SELP: variants seen among roughly 807,000 people sequenced by gnomAD.
SELP encodes P-selectin.
Under a neutral mutation model 104.1 loss-of-function variants are expected in SELP, and 92 were observed. That is an observed-to-expected ratio of 0.88 (90% confidence interval 0.75 to 1.05). SELP has a LOEUF of 1.05. SELP is among the 50% of genes least tolerant of loss of function. SELP has a pLI of 0.00. For missense variants in SELP, 1,022 were observed against 1,017.3 expected (o/e 1.00, Z -0.06); for synonymous variants, 397 against 364.5 (o/e 1.09, Z -1.01).
intron 2 of SELP, among the ~76,000 whole-genome samples, chr1:169,618,126 C>T (rs113620522): frequency 3.3e-5 from 5 of 152,134 alleles, no homozygotes; most frequent in South Asian, 2.1e-4. Context: ...TGTAAATCTC[C>T]GACGGTGTTT....
At chr1:169,589,730 C>T (rs2101854479) in intron 16 of SELP, 1 of 155,986 alleles carries the variant, frequency 6.4e-6, no homozygotes, top group South Asian at 2.0e-4. Context: ...ACTCAACTAC[C>T]CACTTTTTGG....
chr1:169,613,590 T>C lies in SELP; in HGVS notation c.585A>G (p.Glu195=). ...CYPGFYGPEC[E]YVRECGELEL... is the part of the protein sequence containing the mutation. ...TCAACAAAAAGGAAGCCTCACCGTATTCACATTCTGGCCCATAGAATCCAG... is the reference window on the plus strand; with the variant it reads ...TCAACAAAAAGGAAGCCTCACCGTACTCACATTCTGGCCCATAGAATCCAG... The change falls in exon 4 of 17, where the codon GAA becomes GAG. Residue 195 remains glutamate, a synonymous_variant. Transcript: ENST00000263686. The C allele has an allele frequency of 1.2e-6, 2 of 1,612,674 alleles. No homozygotes were observed. The highest frequency in any genetic ancestry group is 1.7e-6 in the Non-Finnish European group (2 of 1,178,712).
chr1:169,612,562 T>A (rs1662596920), intron 5 of SELP, among the ~76,000 whole-genome samples, 160 bp from the exon 6 acceptor site: 2 of 151,780 alleles, frequency 1.3e-5, no homozygotes, highest in Admixed American at 1.3e-4. Context: ...CTTGGAAAGA[T>A]CAAACACCCT....
chr1:169,609,508 A>G lies in SELP; in HGVS notation c.1329T>C (p.Cys443=). 1 of 1,612,192 alleles carries G rather than the reference A, an allele frequency of 6.2e-7. No homozygotes were observed. Among genetic ancestry groups the G allele is most frequent in the Non-Finnish European group, 8.5e-7 (1 of 1,178,982 alleles). ...LGQWTAPAPV[C]QALQCQDLPV... is the part of the protein sequence containing the mutation. ...ACATTACCACTGTTACAGTACCTTGACAGACTGGGGCTGGTGCTGTCCACT... is the reference window on the plus strand; with the variant it reads ...ACATTACCACTGTTACAGTACCTTGGCAGACTGGGGCTGGTGCTGTCCACT... Residue 443 remains cysteine, a synonymous_variant, in exon 8 of 17, where the codon TGT becomes TGC. Transcript: ENST00000263686.
intron 4 of SELP, 45 bp downstream of exon 4, chr1:169,613,541 C>G: frequency 7.0e-7 from 1 of 1,436,848 alleles, no homozygotes; most frequent in Non-Finnish European, 9.8e-7. Flanking sequence ...TTGGCATCAT[C>G]TCTAGCATAA....
At chr1:169,622,200 G>T (rs1663169175) in intron 1 of SELP, among the ~76,000 whole-genome samples, 1 of 152,186 alleles carries the variant, frequency 6.6e-6, no homozygotes, top group Non-Finnish European at 1.5e-5. Context: ...TTAAGAATTT[G>T]AATATTGTAA....
intron 13 of SELP, among the ~76,000 whole-genome samples, 194 bp downstream of exon 13, chr1:169,594,496 TAC>T (rs1221833108): frequency 1.3e-5 from 2 of 152,186 alleles, no homozygotes; most frequent in Non-Finnish European, 2.9e-5. Flanking sequence ...GGTGATTACC[TAC>T]ACAGTCACTG....
intron 1 of SELP, among the ~76,000 whole-genome samples, chr1:169,629,769 GA>G (rs1198048260): frequency 2.0e-5 from 3 of 152,196 alleles, no homozygotes; most frequent in Non-Finnish European, 4.4e-5. Flanking sequence ...TGCGGAGCCA[GA>G]GGACAGGCCC....
At position 169,590,182 on chromosome 1, in the gene SELP, A is replaced by T. The variant is rs747463600; in HGVS notation, c.2459T>A (p.Val820Asp). ...CGGGTCAAATGCAGCGTTTGTAAAA[A>T]CTCCATATGTTCCTAGGTGGCTAAA... The part of the protein sequence containing the change: ...NPHSHLGTYG[V>D]FTNAAFDPSP Residue 820 changes from valine (V) to aspartate (D), a missense_variant, in exon 16 of 17, where the codon GTT becomes GAT. Coordinates refer to ENST00000263686, the MANE Select transcript of SELP (RefSeq NM_003005.4). 15 of 1,613,226 alleles carry T rather than the reference A, an allele frequency of 9.3e-6. No individual in the cohort carries two copies. The highest frequency in any genetic ancestry group is 1.1e-5 in the Non-Finnish European group (13 of 1,179,320).
chr1:169,628,924 G>A (rs556796880), intron 1 of SELP, among the ~76,000 whole-genome samples: 1 of 152,236 alleles, frequency 6.6e-6, no homozygotes, highest in South Asian at 2.1e-4. Flanking sequence ...CCCCAACACA[G>A]AAACCCACAT....
chr1:169,595,946 C>T lies in SELP; in HGVS notation c.2080G>A (p.Ala694Thr), dbSNP rs759072072. 1 of 1,613,748 alleles carries T rather than the reference C, an allele frequency of 6.2e-7. No homozygotes were observed. Among genetic ancestry groups the T allele is most frequent in the Non-Finnish European group, 8.5e-7 (1 of 1,179,766 alleles). Reference protein sequence around the residue: ...LSCRPSGQWTAVTPACRAVKC... With the variant: ...LSCRPSGQWTTVTPACRAVKC... ...TTACCTCTGCATGCTGGAGTTACTG[C>T]TGTCCATTGTCCTGAAGGTCTGCAG... The change falls in exon 12 of 17, where the codon GCA becomes ACA. Residue 694 changes from alanine to threonine, a missense_variant. Ala to Thr is a moderately conservative substitution (Grantham distance 58). Transcript: ENST00000263686.
intron 13 of SELP, among the ~76,000 whole-genome samples, chr1:169,594,329 G>T (rs1471406155): frequency 6.6e-6 from 1 of 152,202 alleles, no homozygotes; most frequent in Non-Finnish European, 1.5e-5. Context: ...GAGGTTTTTA[G>T]AGTTAGGTGG....
At chr1:169,590,021 T>A (rs1661271812) in intron 16 of SELP, 126 bp downstream of exon 16, 2 of 641,872 alleles carry the variant, frequency 3.1e-6, no homozygotes, top group Non-Finnish European at 5.4e-6. Flanking sequence ...ATTTCCTTCA[T>A]GCCTGAAAAT....
chr1:169,606,732 T>C (rs1662219830), intron 9 of SELP, among the ~76,000 whole-genome samples: 1 of 152,152 alleles, frequency 6.6e-6, no homozygotes. Flanking sequence ...CTACTGTCTA[T>C]GGCCAGACAT....
rs1166948072 is a variant in SELP, at chr1:169,619,139, G to T, written c.84C>A (p.Ala28=). The change falls in exon 2 of 17, where the codon GCC becomes GCA. Residue 28 remains alanine (A), a synonymous_variant. Transcript: ENST00000263686. ...TAGCATAAAGTTTACCAGAGATCAG[G>T]GCACTGAAGCAAAGGAGTTGGGAAA... ...FGISQLLCFS[A]LISELTNQKE... is the part of the protein sequence containing the mutation. The T allele has an allele frequency of 1.2e-6, 2 of 1,612,972 alleles. No homozygotes were observed. The highest frequency in any genetic ancestry group is 1.7e-6 in the Non-Finnish European group (2 of 1,179,056).
chr1:169,618,523 A>G (rs1009375756), intron 2 of SELP, among the ~76,000 whole-genome samples: 2 of 152,226 alleles, frequency 1.3e-5, no homozygotes, highest in African/African-American at 2.4e-5. Context: ...GTACAAAGCA[A>G]GCAATCAGGC....
At position 169,617,098 on chromosome 1, in the gene SELP, C is replaced by T. The variant is rs201933810; in HGVS notation, c.411G>A (p.Lys137=). 1.2e-6 allele frequency: 2 copies of T among 1,613,848 alleles called. No individual in the cohort carries two copies. The highest frequency in any genetic ancestry group is 1.7e-6 in the Non-Finnish European group (2 of 1,179,998). The part of the protein sequence containing the change: ...NNEDCVEIYI[K]SPSAPGKWND... ...TCCACTTGCCAGGGGCTGACGGACT[C>T]TTGATGTATATCTCCACGCAGTCCT... Residue 137 remains lysine (K), a synonymous_variant, in exon 3 of 17, where the codon AAG becomes AAA. Transcript: ENST00000263686.
intron 10 of SELP, among the ~76,000 whole-genome samples, chr1:169,601,875 A>G (rs2101883046): frequency 8.0e-6 from 1 of 125,740 alleles, no homozygotes; most frequent in Non-Finnish European, 1.7e-5. Context: ...GTAGTCCTAC[A>G]TTAAGCAATA....
rs75603589 is a variant in SELP, at chr1:169,614,289, G to A, written c.482-596C>T. 6.2e-3 allele frequency among the ~76,000 whole-genome samples: 944 copies of A among 152,068 alleles called. 2 individuals carry two copies. The highest frequency in any genetic ancestry group is 8.3e-3 in the African/African-American group (344 of 41,376). ...AGGAGCCAAATGAGATGTTTAAGAC[G>A]TACTCATGGTAAAGGACAAACAATC... On this transcript the variant is annotated intron_variant, in intron 3 of 16. Transcript: ENST00000263686.
Sources: gnomAD v4.1 joint callset for allele counts (sites outside exome capture counted in the v4.1 genomes callset) on GRCh38, gnomAD v4.1.1 for gene constraint, MANE v1.5 for transcripts, NCBI Gene and HGNC (gene_info 2026-07-23, HGNC 2026-07-21) for gene names.